The following PARD3B variants were observed in gnomAD, a reference collection of about 807,000 sequenced individuals.
The protein encoded by PARD3B is partitioning defective 3 homolog B.
A neutral mutation model predicts 130.2 loss-of-function variants in PARD3B; 103 were observed. The observed-to-expected ratio is 0.79, with a 90% CI of 0.67 to 0.93. The LOEUF (loss-of-function observed/expected upper bound fraction) is 0.93. Ranked by LOEUF, PARD3B falls within the 40% of genes least tolerant of loss-of-function variation. The pLI, the probability that PARD3B is intolerant of heterozygous loss-of-function variation, is 0.00. For missense variants in PARD3B, 1,609 were observed against 1,499.2 expected, an observed-to-expected ratio of 1.07 and a Z score of -1.21; for synonymous variants, 583 against 553.2, an observed-to-expected ratio of 1.05 and a Z score of -0.76.
chr2:205,134,427 G>A (rs2032298271), intron 10 of PARD3B, among the ~76,000 whole-genome samples: 1 of 152,094 alleles, frequency 6.6e-6, no homozygotes, highest in Non-Finnish European at 1.5e-5. Flanking sequence ...GGTAGGCTGA[G>A]GCAGGAGGAT....
At chr2:204,726,401 A>G (rs1425958916) in intron 2 of PARD3B, among the ~76,000 whole-genome samples, 2 of 152,256 alleles carry the variant, frequency 1.3e-5, no homozygotes, top group South Asian at 2.1e-4. Context: ...TTTTAGGGCA[A>G]TGGAGTCAAG....
intron 2 of PARD3B, among the ~76,000 whole-genome samples, chr2:204,698,080 G>A (rs552996893): frequency 1.3e-5 from 2 of 152,116 alleles, no homozygotes; most frequent in Non-Finnish European, 2.9e-5. Context: ...AATGGGTTGA[G>A]TCAACTCTCA....
chr2:205,145,259 G>T lies in PARD3B; in HGVS notation c.1435-13463G>T, dbSNP rs140107610. 2.6e-4 allele frequency among the ~76,000 whole-genome samples: 39 copies of T among 152,022 alleles called. No individual in the cohort carries two copies. In the East Asian group the frequency reaches 7.4e-3, roughly 29 times the overall value. Reference sequence around the variant, plus strand: ...AACTATGGCACTTCCTAAGATCTCAGTGAAAATATCCAGTAACTAATTGTC... The same window carrying T: ...AACTATGGCACTTCCTAAGATCTCATTGAAAATATCCAGTAACTAATTGTC... On this transcript the variant is annotated intron_variant, in intron 10 of 22. Coordinates refer to ENST00000406610, the MANE Select transcript of PARD3B (RefSeq NM_001302769.2).
intron 18 of PARD3B, among the ~76,000 whole-genome samples, chr2:205,384,896 C>T (rs2045606719): frequency 6.6e-6 from 1 of 152,070 alleles, no homozygotes; most frequent in African/African-American, 2.4e-5. Context: ...TGAGAGCCCT[C>T]ATACTCTGTT....
intron 18 of PARD3B, among the ~76,000 whole-genome samples, chr2:205,389,063 T>C (rs2045760931): frequency 6.6e-6 from 1 of 152,204 alleles, no homozygotes; most frequent in African/African-American, 2.4e-5. Flanking sequence ...CATAGAAACT[T>C]GTGACTTGTT....
chr2:205,599,251 T>A (rs2054689103), intron 22 of PARD3B, among the ~76,000 whole-genome samples: 2 of 152,194 alleles, frequency 1.3e-5, no homozygotes, highest in Non-Finnish European at 2.9e-5. Flanking sequence ...GATGTAAAAA[T>A]TTTTTAAAGG....
intron 2 of PARD3B, among the ~76,000 whole-genome samples, chr2:204,891,479 G>A (rs1175866744): frequency 6.6e-6 from 1 of 152,176 alleles, no homozygotes; most frequent in South Asian, 2.1e-4. Context: ...TTTATGCCAA[G>A]TGCCACAGTG....
At chr2:205,594,467 G>A (rs913567577) in intron 22 of PARD3B, among the ~76,000 whole-genome samples, 2 of 152,084 alleles carry the variant, frequency 1.3e-5, no homozygotes, top group Non-Finnish European at 2.9e-5. Context: ...AATCTAGAGA[G>A]CAAGATTTAT....
intron 15 of PARD3B, among the ~76,000 whole-genome samples, chr2:205,197,074 T>TGTGTGTGAGA (rs1215097347): frequency 8.3e-5 from 12 of 143,860 alleles, no homozygotes; most frequent in Non-Finnish European, 1.5e-4. Flanking sequence ...TGTGTGTGTG[T>TGTGTGTGAGA]GAGAGAGAGA....
intron 15 of PARD3B, among the ~76,000 whole-genome samples, chr2:205,231,831 T>TG (rs2038852628): frequency 6.6e-6 from 1 of 152,168 alleles, no homozygotes. Flanking sequence ...CACGTATAGT[T>TG]GGAGGGTTTT....
At chr2:205,384,443 A>T (rs1180497605) in intron 18 of PARD3B, among the ~76,000 whole-genome samples, 3 of 152,124 alleles carry the variant, frequency 2.0e-5, no homozygotes, top group African/African-American at 7.2e-5. Flanking sequence ...AATAGATCTG[A>T]GTAGGGATTT....
chr2:205,181,371 C>T (rs1351601972), intron 13 of PARD3B, among the ~76,000 whole-genome samples: 3 of 152,146 alleles, frequency 2.0e-5, no homozygotes, highest in Non-Finnish European at 4.4e-5. Flanking sequence ...TATTGGATAC[C>T]TCCATTGTGC....
intron 16 of PARD3B, among the ~76,000 whole-genome samples, chr2:205,299,315 G>C (rs2105898238): frequency 6.6e-6 from 1 of 152,266 alleles, no homozygotes; most frequent in Middle Eastern, 3.4e-3. Context: ...CGTTTATTGA[G>C]CCTTGCTAGG....
chr2:205,255,334 T>A (rs961517408), intron 16 of PARD3B, among the ~76,000 whole-genome samples: 7 of 152,156 alleles, frequency 4.6e-5, no homozygotes, highest in Non-Finnish European at 8.8e-5. Context: ...TTTTCTATTC[T>A]CACACATACA....
chr2:205,573,904 T>C (rs1192861997), intron 22 of PARD3B, among the ~76,000 whole-genome samples: 1 of 152,176 alleles, frequency 6.6e-6, no homozygotes, highest in Non-Finnish European at 1.5e-5. Flanking sequence ...CCGTGGCTTC[T>C]CTCTATGGTA....
At chr2:205,388,351 C>T (rs1371200043) in intron 18 of PARD3B, among the ~76,000 whole-genome samples, 1 of 152,144 alleles carries the variant, frequency 6.6e-6, no homozygotes, top group East Asian at 1.9e-4. Context: ...GGAGGAAGAA[C>T]AAAATACACT....
chr2:205,183,353 G>A lies in PARD3B; in HGVS notation c.1925-2411G>A, dbSNP rs933099868. Among the ~76,000 whole-genome samples the A allele has an allele frequency of 2.0e-5, 3 of 152,216 alleles. No homozygotes were observed. Among genetic ancestry groups the A allele is most frequent in the African/African-American group, 4.8e-5 (2 of 41,454 alleles). On this transcript the variant is annotated intron_variant, in intron 13 of 22. Transcript: ENST00000406610. This position sits in a 1 kb window ranked among gnomAD's most constrained non-coding sequence, Gnocchi z 5.2. ...AAATACGTTCACCATCACTGTGGAA[G>A]ATGGACTGAGAGGTTGAGGATAGAA...
chr2:204,948,866 A>G (rs899646842), intron 2 of PARD3B, among the ~76,000 whole-genome samples: 1 of 152,188 alleles, frequency 6.6e-6, no homozygotes, highest in African/African-American at 2.4e-5. Flanking sequence ...GTATTTTTCC[A>G]TGTCTCACAG....
In PARD3B at chr2:205,106,030, A is replaced by G. The variant is rs956108070; in HGVS notation, c.593+1516A>G. ...CTATGTGAATAGCATCATAGAGTCA[A>G]CATTAGTTTGGTTTATGGCTGTATG... On this transcript the variant is annotated intron_variant, in intron 5 of 22. Coordinates refer to ENST00000406610, the MANE Select transcript of PARD3B (RefSeq NM_001302769.2). 2.6e-5 allele frequency among the ~76,000 whole-genome samples: 4 copies of G among 152,040 alleles called. No individual in the cohort carries two copies. The South Asian group carries it at 6.2e-4, about 24-fold the overall frequency.
Sources: gnomAD v4.1 joint callset for allele counts (sites outside exome capture counted in the v4.1 genomes callset) on GRCh38, gnomAD v4.1.1 for gene constraint, Gnocchi (gnomAD v3.1) non-coding constraint, MANE v1.5 for transcripts, NCBI Gene and HGNC (gene_info 2026-07-23, HGNC 2026-07-21) for gene names.